Variants in WDR91 observed in about 807,000 individuals in gnomAD.
The protein encoded by WDR91 is WD repeat domain 91, also known as WD repeat-containing protein 91.
In WDR91, 52 loss-of-function variants were observed where a neutral mutation model predicts 88.4. The observed-to-expected ratio is 0.59, with a 90% CI of 0.47 to 0.74. The LOEUF (loss-of-function observed/expected upper bound fraction) is 0.74. WDR91 is among the 30% of genes least tolerant of loss of function. The pLI, the probability that WDR91 is intolerant of heterozygous loss-of-function variation, is 0.00. For missense variants in WDR91, 824 were observed against 954.5 expected, an observed-to-expected ratio of 0.86 and a Z score of 1.80; for synonymous variants, 362 against 389.5, an observed-to-expected ratio of 0.93 and a Z score of 0.83.
intron 5 of WDR91, 138 bp downstream of exon 5, chr7:135,205,790 G>A (rs577260861): frequency 1.9e-4 from 234 of 1,261,410 alleles, no homozygotes; most frequent in African/African-American, 8.7e-4. Context: ...TCAAGCAAGA[G>A]CAGTGTGTGC....
At position 135,208,951 on chromosome 7, in the gene WDR91, C is replaced by T. The variant is rs775486019; in HGVS notation, c.351G>A (p.Thr117=). ...TCCACTCAGCCTGGTTCTGGAGTTC[C>T]GTGGCCTGCTTTGCAAAGAACTCCT... ...KAQEFFAKQA[T]ELQNQAEWKD... The change falls in exon 3 of 15, where the codon ACG becomes ACA. Residue 117 remains threonine (T), a synonymous_variant. Transcript: ENST00000354475. 15 of 1,614,018 alleles carry T rather than the reference C, an allele frequency of 9.3e-6. No individual in the cohort carries two copies. Among genetic ancestry groups the T allele is most frequent in the Admixed American group, 8.3e-5 (5 of 60,000 alleles).
At chr7:135,190,278 A>G (rs1831114770) in intron 11 of WDR91, among the ~76,000 whole-genome samples, 1 of 152,238 alleles carries the variant, frequency 6.6e-6, no homozygotes, top group Non-Finnish European at 1.5e-5. Flanking sequence ...CTATACCTTC[A>G]GTGCAGGAAT....
intron 6 of WDR91, among the ~76,000 whole-genome samples, chr7:135,200,959 T>C (rs1300806935): frequency 6.6e-6 from 1 of 152,142 alleles, no homozygotes; most frequent in African/African-American, 2.4e-5. Flanking sequence ...CACGCCCTCA[T>C]AACACAGAAA....
chr7:135,187,021 T>C lies in WDR91; in HGVS notation c.2030A>G (p.Glu677Gly). 2.5e-6 allele frequency: 4 copies of C among 1,614,152 alleles called. No homozygotes were observed. Among genetic ancestry groups the C allele is most frequent in the Non-Finnish European group, 3.4e-6 (4 of 1,180,026 alleles). The part of the protein sequence containing the change: ...PRGRLFAFDS[E>G]GNYMLTCSAT... ...AGAACATGTCAGCATGTAATTTCCC[T>C]CCGAGTCAAAAGCGAAGAGTCGGCC... The change falls in exon 14 of 15, where the codon GAG (glutamate) becomes GGG (glycine). Residue 677 changes from glutamate to glycine, a missense_variant. Glu to Gly is a moderately conservative substitution (Grantham distance 98, BLOSUM62 -2). Transcript: ENST00000354475.
chr7:135,210,357 A>G (rs964977252), intron 1 of WDR91, among the ~76,000 whole-genome samples: 5 of 147,818 alleles, frequency 3.4e-5, no homozygotes, highest in African/African-American at 1.2e-4. Context: ...GTCAAAAAAG[A>G]AAAAAAAATG....
intron 14 of WDR91, among the ~76,000 whole-genome samples, chr7:135,186,709 G>A (rs1830956315): frequency 6.6e-6 from 1 of 152,240 alleles, no homozygotes; most frequent in South Asian, 2.1e-4. Context: ...GGAGAGCAGG[G>A]CCTCGGGCAG....
In WDR91 at chr7:135,207,185, T is replaced by G. The variant is rs1307908797; in HGVS notation, c.529A>C (p.Asn177His). Residue 177 changes from asparagine to histidine, a missense_variant, in exon 4 of 15, where the codon AAC becomes CAC. Transcript: ENST00000354475. ...GTCCTCTGACACTCCGCATCAAAGT[T>G]CAGGATCACAGGGACTGGTGCACGA... is the stretch of plus-strand genomic sequence containing the variant. Reference protein sequence around the residue: ...FQCMPVPVILNFDAECQRTNQ... With the variant: ...FQCMPVPVILHFDAECQRTNQ... 1.9e-6 allele frequency: 3 copies of G among 1,606,416 alleles called. No homozygotes were observed. In the East Asian group the frequency reaches 6.7e-5, roughly 36 times the overall value.
In WDR91 at chr7:135,196,268, C is replaced by A; in HGVS notation, c.1120G>T (p.Val374Leu). ...EPCPELHTEP[V>L]EPLTRASSAG... ...GAGGATGCCCGAGTCAGTGGCTCCA[C>A]TGGCTCCGTGTGGAGCTCTGGGCAG... is the stretch of plus-strand genomic sequence containing the variant. Residue 374 changes from valine to leucine, a missense_variant, in exon 8 of 15, where the codon GTG becomes TTG. Transcript: ENST00000354475. The surrounding 1 kb of genome is among the most constrained non-coding windows in gnomAD (Gnocchi z 4.2). 1 of 1,611,922 alleles carries A rather than the reference C, an allele frequency of 6.2e-7. No individual in the cohort carries two copies. The highest frequency in any genetic ancestry group is 8.5e-7 in the Non-Finnish European group (1 of 1,178,956).
rs559258832 is a variant in WDR91, at chr7:135,193,716, G to A, written c.1396-44C>T. 5.1e-6 allele frequency: 8 copies of A among 1,566,622 alleles called. 1 individual carries two copies. In the South Asian group the frequency reaches 7.9e-5, roughly 15 times the overall value. On this transcript the variant is annotated intron_variant, in intron 9 of 14. Transcript: ENST00000354475. ...GGAGGTGGGAAGGATAGCATGGAGT[G>A]AGGCTGAGTCAGGGAGGATCTCCAG... is the stretch of plus-strand genomic sequence containing the variant.
Position 135,204,409 on chromosome 7 carries a change from A to T in WDR91, c.750T>A (p.Asn250Lys). ...SELAMVCSQR[N>K]ASLSQSPRVG... ...CACGAGGTGACTGGGAGAGGGAGGC[A>T]TTCCTTTGGCTGCACACCATGGCAC... Residue 250 changes from asparagine to lysine, a missense_variant, in exon 6 of 15, where the codon AAT (asparagine) becomes AAA (lysine). Asn to Lys is a moderately conservative substitution (Grantham distance 94). Coordinates refer to ENST00000354475, the MANE Select transcript of WDR91 (RefSeq NM_014149.4). 1 of 1,614,190 alleles carries T rather than the reference A, an allele frequency of 6.2e-7. No homozygotes were observed. Among genetic ancestry groups the T allele is most frequent in the Non-Finnish European group, 8.5e-7 (1 of 1,180,028 alleles).
In WDR91 at chr7:135,193,384, C is replaced by G; in HGVS notation, c.1506G>C (p.Ala502=). The G allele has an allele frequency of 6.2e-7, 1 of 1,614,140 alleles. No individual in the cohort carries two copies. Among genetic ancestry groups the G allele is most frequent in the Non-Finnish European group, 8.5e-7 (1 of 1,180,034 alleles). ...NDNMPRILSL[A]CSPNGASFVC... ...CGAAAGAGGCCCCGTTGGGGCTGCA[C>G]GCAAGAGACAGGATTCTGCAACACA... Residue 502 remains alanine (A), a synonymous_variant, in exon 11 of 15, where the codon GCG becomes GCC. Coordinates refer to ENST00000354475, the MANE Select transcript of WDR91 (RefSeq NM_014149.4).
chr7:135,205,939 C>G lies in WDR91; in HGVS notation c.714G>C (p.Gly238=), dbSNP rs771047964. The part of the protein sequence containing the change: ...PPYVSNMDRL[G]DSELAMVCSQ... ...TCACACACACTCACAGTTCCGAGTCCCCCAGGCGGTCCATGTTGGAGACAT... is the reference window on the plus strand; with the variant it reads ...TCACACACACTCACAGTTCCGAGTCGCCCAGGCGGTCCATGTTGGAGACAT... The change falls in exon 5 of 15, where the codon GGG becomes GGC. Residue 238 remains glycine, a synonymous_variant. Transcript: ENST00000354475. 8 of 1,613,436 alleles carry G rather than the reference C, an allele frequency of 5.0e-6. No homozygotes were observed. The Admixed American group carries it at 1.2e-4, about 24-fold the overall frequency.
chr7:135,186,852 A>T, intron 14 of WDR91, 120 bp downstream of exon 14: 2 of 1,205,040 alleles, frequency 1.7e-6, no homozygotes, highest in East Asian at 2.3e-5. Context: ...TGTCAAAGGC[A>T]TCTCCACAGC....
chr7:135,207,280 A>G, intron 3 of WDR91, 78 bp from the exon 4 acceptor site: 3 of 1,207,260 alleles, frequency 2.5e-6, no homozygotes, highest in Non-Finnish European at 3.6e-6. Flanking sequence ...CCAGTAAAAC[A>G]CATGAGACAC....
intron 1 of WDR91, among the ~76,000 whole-genome samples, chr7:135,210,110 G>A (rs1831957814): frequency 2.0e-5 from 3 of 152,210 alleles, no homozygotes; most frequent in Non-Finnish European, 4.4e-5. Context: ...AGCATTTTGG[G>A]AGGCTGAGGT....
At chr7:135,198,391 A>C in intron 6 of WDR91, 5 of 486,744 alleles carry the variant, frequency 1.0e-5, no homozygotes, top group East Asian at 6.4e-5. Flanking sequence ...GGTATCTCTC[A>C]TCTGGAGGAA....
chr7:135,202,886 G>A (rs1169781458), intron 6 of WDR91, among the ~76,000 whole-genome samples: 1 of 152,140 alleles, frequency 6.6e-6, no homozygotes, highest in Non-Finnish European at 1.5e-5. Flanking sequence ...AACCCTCATG[G>A]CAGCTAAATT....
At chr7:135,188,336 C>A (rs116398143) in intron 13 of WDR91, 97 bp downstream of exon 13, 10 of 911,064 alleles carry the variant, frequency 1.1e-5, no homozygotes, top group Non-Finnish European at 1.6e-5. Context: ...CAAAAAGAGG[C>A]CCCAGGTTGC....
rs1422895543 is a variant in WDR91, at chr7:135,185,887, C to T, written c.*264G>A. 2.3e-6 allele frequency: 1 copy of T among 442,652 alleles called. No individual in the cohort carries two copies. Among genetic ancestry groups the T allele is most frequent in the South Asian group, 4.5e-5 (1 of 22,260 alleles). The allele number at this position is 442,652 out of a possible 1,614,324, so 27.4% of individuals were successfully genotyped here. ...AGTAGCCACTGCAATGTTTCTCCTT[C>T]TTCCGGAGCTTTCCTCCCATAGTCT... On this transcript the variant is annotated 3_prime_UTR_variant, in exon 15 of 15. Coordinates refer to ENST00000354475, the MANE Select transcript of WDR91 (RefSeq NM_014149.4).
Sources: allele counts gnomAD v4.1 joint callset (sites outside exome capture counted in the v4.1 genomes callset), GRCh38; gene constraint gnomAD v4.1.1; non-coding constraint Gnocchi (gnomAD v3.1); transcripts MANE v1.5; gene names NCBI Gene and HGNC (gene_info 2026-07-23, HGNC 2026-07-21).